HDAC9: variants seen among roughly 807,000 people sequenced by gnomAD.
HDAC9 encodes the protein histone deacetylase 9.
Under a neutral mutation model 139.4 loss-of-function variants are expected in HDAC9, and 41 were observed. That is an observed-to-expected ratio of 0.29 (90% CI 0.23 to 0.38). The LOEUF is 0.38. HDAC9 is among the 10% of genes least tolerant of loss of function. HDAC9 has a pLI of 1.00. For missense variants in HDAC9, 1,147 were observed against 1,297.0 expected (o/e 0.88, Z 1.78); for synonymous variants, 517 against 476.2 (o/e 1.09, Z -1.12).
intron 1 of HDAC9, among the ~76,000 whole-genome samples, chr7:18,128,880 T>A (rs1784836662): frequency 6.6e-6 from 1 of 152,042 alleles, no homozygotes; most frequent in Admixed American, 6.6e-5. Context: ...CTCTCATTGC[T>A]CATTTTTTTC....
At chr7:18,800,806 C>G (rs998258580) in intron 17 of HDAC9, among the ~76,000 whole-genome samples, 1 of 151,926 alleles carries the variant, frequency 6.6e-6, no homozygotes, top group Non-Finnish European at 1.5e-5. Context: ...TCATTCCAGC[C>G]TGGAAGACAG....
At position 18,465,458 on chromosome 7, in the gene HDAC9, G is replaced by A. The variant is rs1056468403; in HGVS notation, c.-41-30804G>A. Among the ~76,000 whole-genome samples, 7 of 152,182 alleles carry A rather than the reference G, an allele frequency of 4.6e-5. No homozygotes were observed. In the East Asian group the frequency reaches 1.4e-3, roughly 29 times the overall value. ...AAAGAGGAAATACATTAGAGAGTCT[G>A]ATTTCTGTGGAGGTGGGTGGGGTTT... On this transcript the variant is annotated intron_variant, in intron 1 of 3. Coordinates refer to the HDAC9 transcript ENST00000413509.
intron 22 of HDAC9, among the ~76,000 whole-genome samples, chr7:18,905,363 G>C (rs1274595614): frequency 1.3e-5 from 2 of 152,226 alleles, no homozygotes; most frequent in Non-Finnish European, 2.9e-5. Context: ...TTAAGACAAT[G>C]TTGTCCCTCA....
At chr7:18,837,966 T>A (rs935762603) in intron 21 of HDAC9, among the ~76,000 whole-genome samples, 3 of 152,096 alleles carry the variant, frequency 2.0e-5, no homozygotes, top group African/African-American at 7.2e-5. Context: ...TACTTGAGTT[T>A]CATTAGAGAA....
chr7:18,312,368 C>G (rs142680598), intron 1 of HDAC9, among the ~76,000 whole-genome samples: 1 of 152,064 alleles, frequency 6.6e-6, no homozygotes, highest in Non-Finnish European at 1.5e-5. Context: ...GTGTGAGTAT[C>G]TGTAGTAAAC....
At chr7:18,969,861 T>C (rs1232200756) in intron 24 of HDAC9, among the ~76,000 whole-genome samples, 2 of 152,304 alleles carry the variant, frequency 1.3e-5, no homozygotes, top group Middle Eastern at 3.4e-3. Context: ...TTGTGTTACA[T>C]AAAATGTTTG....
chr7:18,188,090 T>A (rs1305061591), intron 2 of HDAC9, among the ~76,000 whole-genome samples: 7 of 152,158 alleles, frequency 4.6e-5, no homozygotes, highest in African/African-American at 1.4e-4. Flanking sequence ...GCTACCTGAT[T>A]TCAAACTATA....
At chr7:18,492,672 A>G (rs988219408), upstream of HDAC9, among the ~76,000 whole-genome samples, 1 of 151,996 alleles carries the variant, frequency 6.6e-6, no homozygotes, top group South Asian at 2.1e-4. Context: ...TTAGCTTGTT[A>G]TAGTTCTTGT....
At chr7:18,099,287 C>T (rs1782699043) in intron 1 of HDAC9, among the ~76,000 whole-genome samples, 1 of 152,004 alleles carries the variant, frequency 6.6e-6, no homozygotes, top group South Asian at 2.1e-4. Flanking sequence ...TGGTGAAATC[C>T]TGTTTCTACT....
intron 1 of HDAC9, among the ~76,000 whole-genome samples, chr7:18,439,766 CTCTT>C (rs1158422244): frequency 6.6e-6 from 1 of 152,166 alleles, no homozygotes; most frequent in Non-Finnish European, 1.5e-5. Context: ...AAACTTTAAT[CTCTT>C]TCTCGCTCTT....
intron 22 of HDAC9, among the ~76,000 whole-genome samples, chr7:18,889,775 G>T (rs987279590): frequency 1.3e-5 from 2 of 152,152 alleles, no homozygotes; most frequent in African/African-American, 4.8e-5. Context: ...ATGGTTCATT[G>T]CAGCCTTTAG....
At chr7:18,927,469 G>A (rs1482912332) in intron 22 of HDAC9, among the ~76,000 whole-genome samples, 1 of 152,138 alleles carries the variant, frequency 6.6e-6, no homozygotes, top group African/African-American at 2.4e-5. Flanking sequence ...TGACCAGGGG[G>A]TTTAGAGAGG....
chr7:18,319,016 C>T lies in HDAC9; in HGVS notation c.-42+28501C>T, dbSNP rs937720836. Among the ~76,000 whole-genome samples the T allele has an allele frequency of 3.3e-5, 5 of 152,240 alleles. No individual in the cohort carries two copies. In the South Asian group the frequency reaches 6.2e-4, roughly 19 times the overall value. Reference sequence around the variant, plus strand: ...TCAGAATCTGCATTTCCGGGGGATTCCTCTGTAACCTGTAGTGTGACAAGC... The same window carrying T: ...TCAGAATCTGCATTTCCGGGGGATTTCTCTGTAACCTGTAGTGTGACAAGC... On this transcript the variant is annotated intron_variant, in intron 1 of 3. Transcript: ENST00000413509.
chr7:18,150,302 A>G (rs1786678220), intron 1 of HDAC9, among the ~76,000 whole-genome samples: 1 of 152,022 alleles, frequency 6.6e-6, no homozygotes, highest in South Asian at 2.1e-4. Context: ...ATAGGCCGCA[A>G]TTGAGAACTG....
At chr7:18,116,336 A>G (rs917527960) in intron 1 of HDAC9, among the ~76,000 whole-genome samples, 1 of 152,198 alleles carries the variant, frequency 6.6e-6, no homozygotes, top group Non-Finnish European at 1.5e-5. Context: ...ATTTTATGTT[A>G]CTTGCTAAAA....
At chr7:18,857,044 T>C (rs1310776793) in intron 21 of HDAC9, among the ~76,000 whole-genome samples, 1 of 152,178 alleles carries the variant, frequency 6.6e-6, no homozygotes, top group African/African-American at 2.4e-5. Flanking sequence ...AGTCCAGCTT[T>C]CAACTCTTCA....
intron 2 of HDAC9, among the ~76,000 whole-genome samples, chr7:18,166,113 T>A (rs1787997543): frequency 6.6e-6 from 1 of 152,248 alleles, no homozygotes; most frequent in Admixed American, 6.5e-5. Context: ...CTATTTTTTG[T>A]AATTAATTTT....
intron 2 of HDAC9, among the ~76,000 whole-genome samples, chr7:18,165,368 G>A (rs186004840): frequency 1.3e-5 from 2 of 152,282 alleles, no homozygotes; most frequent in East Asian, 3.9e-4. Context: ...AACAGCACTA[G>A]TGTTTCATAT....
chr7:18,424,178 A>G (rs950378370), intron 1 of HDAC9, among the ~76,000 whole-genome samples: 1 of 152,200 alleles, frequency 6.6e-6, no homozygotes, highest in Non-Finnish European at 1.5e-5. Context: ...TCAATTTCCA[A>G]ATGTTTACTG....
Sources: allele counts gnomAD v4.1 joint callset (sites outside exome capture counted in the v4.1 genomes callset), GRCh38; gene constraint gnomAD v4.1.1; transcripts MANE v1.5; gene names NCBI Gene and HGNC (gene_info 2026-07-23, HGNC 2026-07-21).